BICDL1: variants seen among roughly 807,000 people sequenced by gnomAD.
The protein encoded by BICDL1 is BICD family-like cargo adapter 1.
A neutral mutation model predicts 76.8 loss-of-function variants in BICDL1; 20 were observed. The observed-to-expected ratio is 0.26, with a 90% CI of 0.18 to 0.38. The LOEUF is 0.38. BICDL1 is among the 10% of genes least tolerant of loss of function. BICDL1 has a pLI of 1.00. For synonymous variants in BICDL1, 383 were observed against 337.1 expected, an observed-to-expected ratio of 1.14 and a Z score of -1.49; for missense variants, 700 against 798.6, an observed-to-expected ratio of 0.88 and a Z score of 1.49.
chr12:119,993,619 CTT>C (rs768811880), intron 1 of BICDL1, among the ~76,000 whole-genome samples: 35 of 139,596 alleles, frequency 2.5e-4, no homozygotes, highest in Admixed American at 2.9e-4. Flanking sequence ...AAAGTTGTTT[CTT>C]TTTTTTTTTT....
chr12:120,036,388 A>G (rs946865903), intron 2 of BICDL1, among the ~76,000 whole-genome samples: 1 of 152,190 alleles, frequency 6.6e-6, no homozygotes, highest in African/African-American at 2.4e-5. Flanking sequence ...TGCAGTGTAA[A>G]CCAGCTATAC....
intron 3 of BICDL1, among the ~76,000 whole-genome samples, chr12:120,063,038 A>G (rs1953139742): frequency 6.6e-6 from 1 of 152,118 alleles, no homozygotes; most frequent in Non-Finnish European, 1.5e-5. Flanking sequence ...GAACACTGCT[A>G]CCTTTAAAAG....
rs985137622 is a variant in BICDL1, at chr12:119,993,995, C to T, written c.429+3698C>T. ...GCCGTTTTGCTTTAAAACTTATATC[C>T]GGTCATGTCCTTAGCTTTTTCCCCA... On this transcript the variant is annotated intron_variant, in intron 1 of 9. Transcript: ENST00000548673. Among the ~76,000 whole-genome samples, 8 of 152,308 alleles carry T rather than the reference C, an allele frequency of 5.3e-5. No homozygotes were observed. In the South Asian group the frequency reaches 1.0e-3, roughly 20 times the overall value.
chr12:120,092,948 G>A (rs1165496927), intron 9 of BICDL1, 52 bp from the exon 10 acceptor site: 5 of 1,500,892 alleles, frequency 3.3e-6, no homozygotes, highest in East Asian at 2.4e-5. Context: ...CAGCCCCAGG[G>A]TTAGGTGAGA....
intron 9 of BICDL1, chr12:120,091,938 T>C: frequency 1.0e-5 from 10 of 985,272 alleles, no homozygotes; most frequent in Non-Finnish European, 1.2e-5. Flanking sequence ...GCCTCACCTG[T>C]CCTGTGCTCG....
At chr12:120,015,397 C>T (rs1457577640) in intron 2 of BICDL1, among the ~76,000 whole-genome samples, 1 of 152,190 alleles carries the variant, frequency 6.6e-6, no homozygotes, top group Non-Finnish European at 1.5e-5. Context: ...CTTGTACCAC[C>T]GTTGGAATTT....
chr12:120,072,367 TA>T (rs11340414), intron 5 of BICDL1, 143 bp from the exon 6 acceptor site: 46,658 of 619,480 alleles, frequency 0.075, 1,810 homozygotes, highest in African/African-American at 0.15. Context: ...ACAAATGAGT[TA>T]AAAAAAAAAC....
At chr12:120,062,594 A>C (rs1443966947) in intron 3 of BICDL1, among the ~76,000 whole-genome samples, 1 of 152,204 alleles carries the variant, frequency 6.6e-6, no homozygotes, top group African/African-American at 2.4e-5. Context: ...GCGATCTGCC[A>C]TCATGGTCAG....
chr12:120,046,416 C>A (rs182902309), intron 2 of BICDL1, among the ~76,000 whole-genome samples: 1 of 152,208 alleles, frequency 6.6e-6, no homozygotes, highest in African/African-American at 2.4e-5. Flanking sequence ...AATATAGTAA[C>A]AGCAACAGCT....
intron 2 of BICDL1, among the ~76,000 whole-genome samples, chr12:120,029,455 G>A (rs1952376908): frequency 6.6e-6 from 1 of 152,014 alleles, no homozygotes; most frequent in African/African-American, 2.4e-5. Flanking sequence ...GATCTATTTA[G>A]AATTTTCAAA....
intron 2 of BICDL1, among the ~76,000 whole-genome samples, chr12:120,010,550 G>A (rs565850991): frequency 1.4e-4 from 21 of 152,120 alleles, no homozygotes; most frequent in Non-Finnish European, 2.9e-4. Context: ...TTCAATCAGC[G>A]GTTCTCAAAC....
intron 8 of BICDL1, among the ~76,000 whole-genome samples, chr12:120,087,246 A>T (rs1351173912): frequency 2.0e-5 from 3 of 152,230 alleles, no homozygotes. Flanking sequence ...CTCAGCATCC[A>T]TTAGACGGGC....
intron 2 of BICDL1, among the ~76,000 whole-genome samples, chr12:120,024,180 CTG>C (rs371450393): frequency 1.3e-5 from 2 of 152,088 alleles, no homozygotes; most frequent in African/African-American, 4.8e-5. Flanking sequence ...ACTCAGGAAA[CTG>C]AGACAGGAGA....
intron 2 of BICDL1, among the ~76,000 whole-genome samples, chr12:120,007,092 T>C (rs1393048709): frequency 1.3e-5 from 2 of 151,986 alleles, no homozygotes; most frequent in Non-Finnish European, 2.9e-5. Flanking sequence ...AGAAAAAAAA[T>C]AATCAAAAAT....
chr12:120,051,203 G>A (rs1047874065), intron 2 of BICDL1, among the ~76,000 whole-genome samples: 23 of 151,830 alleles, frequency 1.5e-4, no homozygotes, highest in African/African-American at 3.9e-4. Flanking sequence ...ACACACAACC[G>A]CACCTGGCTA....
intron 1 of BICDL1, among the ~76,000 whole-genome samples, chr12:119,995,183 TGACA>T (rs1311844790): frequency 6.6e-6 from 1 of 152,228 alleles, no homozygotes; most frequent in Non-Finnish European, 1.5e-5. Context: ...TCACACTTCC[TGACA>T]GTCTCCCTAG....
intron 8 of BICDL1, among the ~76,000 whole-genome samples, chr12:120,084,019 T>C (rs2138998191): frequency 6.6e-6 from 1 of 152,104 alleles, no homozygotes; most frequent in African/African-American, 2.4e-5. Flanking sequence ...TTTTCTTTTC[T>C]TTGAGACGGA....
At chr12:120,086,939 T>G (rs959050140) in intron 8 of BICDL1, among the ~76,000 whole-genome samples, 5 of 152,040 alleles carry the variant, frequency 3.3e-5, no homozygotes, top group African/African-American at 1.2e-4. Flanking sequence ...CCTCAGGGCG[T>G]TTTTTGGCAA....
chr12:120,071,738 A>T lies in BICDL1; in HGVS notation c.1026A>T (p.Thr342=), dbSNP rs749388729. 3.0e-5 allele frequency: 49 copies of T among 1,612,232 alleles called. No homozygotes were observed. In the South Asian group the frequency reaches 5.1e-4, roughly 17 times the overall value. ...TGCAGAGCTCTGCCGCCACCAGCAC[A>T]TCCCTCCTGTCAGAGATCGAGCAGA... ...RSLQSSAATS[T]SLLSEIEQSM... The change falls in exon 5 of 10, where the codon ACA becomes ACT. Residue 342 remains threonine (T), a synonymous_variant. Coordinates refer to ENST00000548673, the MANE Select transcript of BICDL1 (RefSeq NM_001367886.1). The surrounding 1 kb of genome is among the most constrained non-coding windows in gnomAD (Gnocchi z 4.8).
Sources: gnomAD v4.1 joint callset for allele counts (sites outside exome capture counted in the v4.1 genomes callset) on GRCh38, gnomAD v4.1.1 for gene constraint, Gnocchi (gnomAD v3.1) non-coding constraint, MANE v1.5 for transcripts, NCBI Gene and HGNC (gene_info 2026-07-23, HGNC 2026-07-21) for gene names.